TMCO6: variants seen among roughly 807,000 people sequenced by gnomAD.
TMCO6 encodes the protein transmembrane and coiled-coil domains 6, also known as transmembrane and coiled-coil domain-containing protein 6.
In TMCO6, 47 loss-of-function variants were observed where a neutral mutation model predicts 61.8. The observed-to-expected ratio is 0.76, with a 90% CI of 0.60 to 0.97. The LOEUF (loss-of-function observed/expected upper bound fraction) is 0.97. Among genes scored for constraint, TMCO6 ranks in the 50% least tolerant of loss-of-function variants. The probability of loss-of-function intolerance (pLI) is 0.00; values close to 1 mark genes in which losing one functional copy is unlikely to be tolerated. For synonymous variants in TMCO6, 261 were observed against 254.2 expected, an observed-to-expected ratio of 1.03 and a Z score of -0.25; for missense variants, 557 against 601.6, an observed-to-expected ratio of 0.93 and a Z score of 0.78.
downstream of TMCO6, chr5:140,647,431 G>C: frequency 1.2e-6 from 2 of 1,609,404 alleles, no homozygotes; most frequent in South Asian, 1.1e-5. Flanking sequence ...GGAGGTCGAG[G>C]TCGTGACCCT....
the TMCO6 span, among the ~76,000 whole-genome samples, chr5:140,626,502 G>C: frequency 3.9e-5 from 6 of 152,116 alleles, no homozygotes; most frequent in African/African-American, 1.4e-4. Flanking sequence ...CTGGGTTCAA[G>C]TGATTCTCCT....
At chr5:140,644,932 T>C (rs1757306521) in intron 11 of TMCO6, 53 bp from the exon 12 acceptor site, 3 of 1,582,888 alleles carry the variant, frequency 1.9e-6, no homozygotes, top group Non-Finnish European at 2.6e-6. Flanking sequence ...CTGTGGGAAT[T>C]GAGTCTTAGG....
the TMCO6 span, chr5:140,633,496 A>G: frequency 2.9e-6 from 1 of 344,752 alleles, no homozygotes; most frequent in Non-Finnish European, 5.6e-6. Context: ...GGCCAGTACC[A>G]TACTCTGCAC....
the TMCO6 span, chr5:140,632,554 G>C: frequency 6.2e-7 from 1 of 1,614,162 alleles, no homozygotes. The surrounding 1 kb of genome is among the most constrained non-coding windows in gnomAD (Gnocchi z 6.2). Context: ...AAGCTGGAAA[G>C]TGCAAGTCCT....
Position 140,645,097 on chromosome 5 carries a change from G to A in TMCO6, c.1481G>A (p.Ter494=). ...CTCCAGCAGACAGCTCTTCAAGGGTGATCTTGTTTCTCAATGTCACTCATT... is the reference window on the plus strand; with the variant it reads ...CTCCAGCAGACAGCTCTTCAAGGGTAATCTTGTTTCTCAATGTCACTCATT... ...YALQQTALQG[*] Residue 494 remains the stop codon, a stop_retained_variant, in exon 12 of 12, where the codon TGA becomes TAA. Coordinates refer to ENST00000394671, the MANE Select transcript of TMCO6 (RefSeq NM_018502.5). The A allele has an allele frequency of 1.9e-6, 3 of 1,613,952 alleles. No homozygotes were observed. The highest frequency in any genetic ancestry group is 2.2e-5 in the East Asian group (1 of 44,882).
At chr5:140,623,285 C>T in the TMCO6 span, among the ~76,000 whole-genome samples, 87 of 152,314 alleles carry the variant, frequency 5.7e-4, no homozygotes, top group Middle Eastern at 6.8e-3. Flanking sequence ...GACAGATAAA[C>T]TCAAGTTGCA....
chr5:140,598,321 G>A, the TMCO6 span, among the ~76,000 whole-genome samples: 3 of 151,272 alleles, frequency 2.0e-5, no homozygotes, highest in South Asian at 4.2e-4. Context: ...CTCCCGCCTC[G>A]TCCTCCCAAA....
the TMCO6 span, among the ~76,000 whole-genome samples, chr5:140,608,081 C>T: frequency 1.2e-4 from 19 of 152,292 alleles, no homozygotes; most frequent in South Asian, 4.1e-4. Flanking sequence ...TGAGCCACTG[C>T]GCCCAGCCTC....
chr5:140,642,448 C>T, intron 5 of TMCO6, 29 bp downstream of exon 5: 1 of 1,607,558 alleles, frequency 6.2e-7, no homozygotes, highest in Admixed American at 1.7e-5. Flanking sequence ...CCTGGGCAAC[C>T]CTTCCTTTGC....
intron 2 of TMCO6, 51 bp from the exon 3 acceptor site, chr5:140,641,614 G>T: frequency 1.3e-6 from 2 of 1,527,306 alleles, no homozygotes; most frequent in South Asian, 1.2e-5. Context: ...AGAGACTTAG[G>T]ACTTGCTTTC....
the TMCO6 span, among the ~76,000 whole-genome samples, chr5:140,627,712 T>C: frequency 4.2e-5 from 6 of 142,918 alleles, no homozygotes; most frequent in Non-Finnish European, 9.1e-5. Flanking sequence ...CATTTGCCAG[T>C]TTTTACATTT....
chr5:140,596,531 C>A, the TMCO6 span, among the ~76,000 whole-genome samples: 1 of 152,198 alleles, frequency 6.6e-6, no homozygotes, highest in African/African-American at 2.4e-5. Flanking sequence ...AATCACCTTG[C>A]AGAACAGTTA....
At chr5:140,599,682 C>T in the TMCO6 span, among the ~76,000 whole-genome samples, 1 of 152,188 alleles carries the variant, frequency 6.6e-6, no homozygotes, top group Non-Finnish European at 1.5e-5. Flanking sequence ...GGGCGGATCA[C>T]CTGAGGTCAG....
the TMCO6 span, among the ~76,000 whole-genome samples, chr5:140,630,913 G>A: frequency 6.6e-6 from 1 of 152,196 alleles, no homozygotes; most frequent in South Asian, 2.1e-4. Context: ...TCTGATGGAT[G>A]TGGCTGCCTC....
At chr5:140,646,727 T>C (rs779160382), downstream of TMCO6, among the ~76,000 whole-genome samples, 1 of 152,234 alleles carries the variant, frequency 6.6e-6, no homozygotes, top group Non-Finnish European at 1.5e-5. Context: ...GGCTCAATCC[T>C]GTTAAACTCT....
the TMCO6 span, among the ~76,000 whole-genome samples, chr5:140,596,702 A>G: frequency 6.6e-6 from 1 of 152,076 alleles, no homozygotes; most frequent in Admixed American, 6.5e-5. Flanking sequence ...GTCCTTCAAC[A>G]CTTTAGCCCA....
chr5:140,644,283 G>A, intron 10 of TMCO6, 89 bp downstream of exon 10: 3 of 1,402,256 alleles, frequency 2.1e-6, no homozygotes, highest in Non-Finnish European at 3.0e-6. Context: ...CCTTAGTTGA[G>A]AGCCAGCAGG....
the TMCO6 span, among the ~76,000 whole-genome samples, chr5:140,621,287 G>A: frequency 3.9e-5 from 6 of 152,182 alleles, no homozygotes; most frequent in Non-Finnish European, 7.3e-5. Flanking sequence ...ACGGGCTGAA[G>A]CCGTGACAGA....
chr5:140,642,724 T>C, intron 6 of TMCO6, 53 bp downstream of exon 6: 6 of 1,594,928 alleles, frequency 3.8e-6, no homozygotes, highest in Non-Finnish European at 5.2e-6. Context: ...CTCAGTAGTA[T>C]AGCTCCCGGA....
Sources: gnomAD v4.1 joint callset for allele counts (sites outside exome capture counted in the v4.1 genomes callset) on GRCh38, gnomAD v4.1.1 for gene constraint, Gnocchi (gnomAD v3.1) non-coding constraint, MANE v1.5 for transcripts, NCBI Gene and HGNC (gene_info 2026-07-23, HGNC 2026-07-21) for gene names.